MIR2052HG: variants seen among roughly 807,000 people sequenced by gnomAD.
The protein encoded by MIR2052HG is MIR2052 host gene.
At chr8:74,697,038 AG>A (rs1809305279) in intron 2 of MIR2052HG, among the ~76,000 whole-genome samples, 1 of 152,186 alleles carries the variant, frequency 6.6e-6, no homozygotes, top group Non-Finnish European at 1.5e-5. Flanking sequence ...AGAAAACTAC[AG>A]ACTAATATCC....
At chr8:74,725,913 T>G (rs1378945205) in intron 4 of MIR2052HG, among the ~76,000 whole-genome samples, 1 of 152,136 alleles carries the variant, frequency 6.6e-6, no homozygotes, top group African/African-American at 2.4e-5. Flanking sequence ...AACAGTCAGC[T>G]ACTGTCTAAC....
At chr8:74,692,052 A>G (rs910223813) in intron 2 of MIR2052HG, among the ~76,000 whole-genome samples, 2 of 152,134 alleles carry the variant, frequency 1.3e-5, no homozygotes, top group Non-Finnish European at 2.9e-5. Context: ...TAAAATGGGC[A>G]TTGGTAAAAA....
intron 2 of MIR2052HG, among the ~76,000 whole-genome samples, chr8:74,661,807 C>T (rs1808868510): frequency 6.6e-6 from 1 of 152,146 alleles, no homozygotes; most frequent in African/African-American, 2.4e-5. Context: ...TTTTATGTCC[C>T]CTTGAAAGAA....
intron 2 of MIR2052HG, among the ~76,000 whole-genome samples, chr8:74,655,711 G>A (rs905036208): frequency 6.6e-6 from 1 of 152,228 alleles, no homozygotes. Context: ...GAAGGAAAAT[G>A]TGGGGTTGGA....
chr8:74,604,147 CCTTT>C (rs1051313151), intron 1 of MIR2052HG: 3 of 889,674 alleles, frequency 3.4e-6, no homozygotes, highest in Non-Finnish European at 5.8e-6. Flanking sequence ...AACTGATTCT[CCTTT>C]CTTTCCGATG....
rs550912759 is a variant in MIR2052HG at position 74,690,447 on chromosome 8, G to C, written n.217-11932G>C. ...TGGATAGATTGATTGTAGGATTAAA[G>C]AGTGTTAAGCCAGAGGTGAAACCCC... On this transcript the variant is annotated intron_variant and non_coding_transcript_variant, in intron 2 of 6. Coordinates refer to ENST00000523442, the Ensembl canonical transcript of MIR2052HG. Among the ~76,000 whole-genome samples the C allele has an allele frequency of 4.6e-5, 7 of 152,036 alleles. No homozygotes were observed. In the South Asian group the frequency reaches 1.5e-3, roughly 32 times the overall value.
At chr8:74,683,432 T>C (rs1248838443) in intron 2 of MIR2052HG, among the ~76,000 whole-genome samples, 1 of 152,096 alleles carries the variant, frequency 6.6e-6, no homozygotes, top group East Asian at 1.9e-4. Context: ...GATGTGAGGT[T>C]CTTGAAATAA....
intron 1 of MIR2052HG, among the ~76,000 whole-genome samples, chr8:74,602,090 C>G (rs1399801275): frequency 1.3e-5 from 2 of 152,148 alleles, no homozygotes; most frequent in Non-Finnish European, 2.9e-5. Context: ...GTTAGACACT[C>G]TTAGTCACAG....
intron 2 of MIR2052HG, among the ~76,000 whole-genome samples, chr8:74,654,607 T>G (rs1391367060): frequency 6.6e-6 from 1 of 152,198 alleles, no homozygotes; most frequent in Non-Finnish European, 1.5e-5. Flanking sequence ...GCCGCTGTTA[T>G]GTAAGGAGTA....
chr8:74,640,602 C>T (rs1808629052), intron 2 of MIR2052HG, among the ~76,000 whole-genome samples: 1 of 151,846 alleles, frequency 6.6e-6, no homozygotes, highest in African/African-American at 2.4e-5. Flanking sequence ...CTATCTCAAA[C>T]ATGCATCCAC....
At chr8:74,653,609 G>T (rs994355819) in intron 2 of MIR2052HG, among the ~76,000 whole-genome samples, 1 of 152,228 alleles carries the variant, frequency 6.6e-6, no homozygotes, top group South Asian at 2.1e-4. Context: ...GCACATAGTG[G>T]TACAGCCAGG....
chr8:74,657,196 C>A (rs1473927222), intron 2 of MIR2052HG, among the ~76,000 whole-genome samples: 1 of 152,214 alleles, frequency 6.6e-6, no homozygotes, highest in Non-Finnish European at 1.5e-5. Flanking sequence ...CAGGAAGGAG[C>A]TATCAGAATA....
chr8:74,668,323 TAC>T (rs545618215), intron 2 of MIR2052HG, among the ~76,000 whole-genome samples: 8 of 151,596 alleles, frequency 5.3e-5, no homozygotes, highest in Non-Finnish European at 1.0e-4. Context: ...ATTATATATG[TAC>T]ACACACACAC....
intron 1 of MIR2052HG, among the ~76,000 whole-genome samples, chr8:74,607,257 G>A (rs898885240): frequency 1.1e-4 from 16 of 152,178 alleles, no homozygotes; most frequent in African/African-American, 3.6e-4. Context: ...AATAAAGGGA[G>A]TGAGTTTTTT....
intron 2 of MIR2052HG, among the ~76,000 whole-genome samples, chr8:74,637,304 C>T (rs1457536832): frequency 2.0e-5 from 3 of 152,102 alleles, no homozygotes; most frequent in Non-Finnish European, 2.9e-5. Context: ...GGAGATAGGA[C>T]TGAAAAGGGA....
At chr8:74,716,681 G>A (rs1460111188) in intron 4 of MIR2052HG, among the ~76,000 whole-genome samples, 2 of 152,132 alleles carry the variant, frequency 1.3e-5, no homozygotes, top group African/African-American at 4.8e-5. Flanking sequence ...CTGTACTCCA[G>A]CCCAGGCAAC....
chr8:74,648,737 A>T (rs1265507273), intron 2 of MIR2052HG, among the ~76,000 whole-genome samples: 3 of 152,106 alleles, frequency 2.0e-5, no homozygotes, highest in Non-Finnish European at 2.9e-5. Context: ...GATACGTATT[A>T]TTTTCTTATA....
At chr8:74,722,152 G>T (rs1809584042) in intron 4 of MIR2052HG, among the ~76,000 whole-genome samples, 1 of 152,160 alleles carries the variant, frequency 6.6e-6, no homozygotes, top group East Asian at 1.9e-4. Flanking sequence ...ACTCCAGCCT[G>T]GGCAACAGAC....
chr8:74,684,454 G>A (rs966330563), intron 2 of MIR2052HG, among the ~76,000 whole-genome samples: 4 of 152,040 alleles, frequency 2.6e-5, no homozygotes, highest in African/African-American at 7.2e-5. Context: ...GGGAGGAGAA[G>A]AGGAGAGGGA....
Sources: allele counts gnomAD v4.1 joint callset (sites outside exome capture counted in the v4.1 genomes callset), GRCh38; gene constraint gnomAD v4.1.1; transcripts MANE v1.5; gene names NCBI Gene and HGNC (gene_info 2026-07-23, HGNC 2026-07-21).